The following ZGPAT variants were observed in gnomAD, a reference collection of about 807,000 sequenced individuals.
ZGPAT encodes zinc finger CCCH-type and G-patch domain containing.
ZGPAT carries 39 observed loss-of-function variants against 47.9 expected under a neutral mutation model. That is an observed-to-expected ratio of 0.81 (90% CI 0.63 to 1.06). The LOEUF (loss-of-function observed/expected upper bound fraction) is 1.06, where lower values mean the gene tolerates loss of function less well. Ranked by LOEUF, ZGPAT falls within the 50% of genes least tolerant of loss-of-function variation. The pLI is 0.00. For missense variants in ZGPAT, 717 were observed against 681.4 expected (o/e 1.05, Z -0.58); for synonymous variants, 348 against 292.9 (o/e 1.19, Z -1.92).
chr20:63,729,101 G>A (rs1203017070), intron 2 of ZGPAT, among the ~76,000 whole-genome samples: 1 of 144,940 alleles, frequency 6.9e-6, no homozygotes, highest in Admixed American at 7.1e-5. Flanking sequence ...GTGCGATCTT[G>A]GCTCACTGCA....
intron 2 of ZGPAT, among the ~76,000 whole-genome samples, chr20:63,725,273 C>T (rs918524206): frequency 2.0e-5 from 3 of 152,220 alleles, no homozygotes; most frequent in Admixed American, 6.5e-5. Flanking sequence ...CGTGAGCCAC[C>T]GCGCCCGGCT....
At chr20:63,710,059 A>G (rs530905761) in intron 2 of ZGPAT, among the ~76,000 whole-genome samples, 16 of 151,530 alleles carry the variant, frequency 1.1e-4, no homozygotes, top group South Asian at 2.1e-4. Flanking sequence ...ACGGGGTTTC[A>G]CCATGTTAGC....
At chr20:63,733,382 A>G (rs1055989661) in intron 3 of ZGPAT, 30 bp downstream of exon 3, 3 of 1,604,940 alleles carry the variant, frequency 1.9e-6, no homozygotes, top group African/African-American at 1.3e-5. Flanking sequence ...CCTCCCGGGA[A>G]CACCCTCCCA....
intron 2 of ZGPAT, among the ~76,000 whole-genome samples, chr20:63,716,719 G>T (rs759459728): frequency 6.6e-5 from 10 of 152,048 alleles, no homozygotes; most frequent in Non-Finnish European, 1.2e-4. Flanking sequence ...GTCTGTTTCT[G>T]TCTCCCAGGC....
intron 2 of ZGPAT, among the ~76,000 whole-genome samples, chr20:63,726,497 A>AT (rs890554718): frequency 3.0e-5 from 4 of 133,094 alleles, no homozygotes; most frequent in East Asian, 2.2e-4. Context: ...CCGGCCTTGA[A>AT]TTTTTTTTTA....
intron 2 of ZGPAT, among the ~76,000 whole-genome samples, chr20:63,715,264 CAG>C (rs1269893763): frequency 7.3e-6 from 1 of 137,120 alleles, no homozygotes; most frequent in Non-Finnish European, 1.5e-5. Flanking sequence ...TTTTTTGAGA[CAG>C]AGTCTCACTC....
At chr20:63,726,497 A>C (rs1450358827) in intron 2 of ZGPAT, among the ~76,000 whole-genome samples, 1 of 133,096 alleles carries the variant, frequency 7.5e-6, no homozygotes, top group Non-Finnish European at 1.6e-5. Flanking sequence ...CCGGCCTTGA[A>C]TTTTTTTTTA....
chr20:63,725,841 T>A (rs905787235), intron 2 of ZGPAT, among the ~76,000 whole-genome samples: 3 of 151,620 alleles, frequency 2.0e-5, no homozygotes, highest in African/African-American at 7.3e-5. Flanking sequence ...ATTTATTTTT[T>A]AATTTTTTGA....
At position 63,709,122 on chromosome 20, in the gene ZGPAT, C is replaced by A; in HGVS notation, c.542C>A (p.Pro181Gln). Residue 181 changes from proline (P) to glutamine (Q), a missense_variant, in exon 2 of 7, where the codon CCG becomes CAG. Physicochemically the swap from Pro to Gln is moderately conservative, Grantham distance 76. Transcript: ENST00000355969. Reference sequence around the variant, plus strand: ...ACTCACAAGTCTCTGAAGCCGTGCCCGTTCTTCCTGGAGGGAAAGTGCCGC... The same window carrying A: ...ACTCACAAGTCTCTGAAGCCGTGCCAGTTCTTCCTGGAGGGAAAGTGCCGC... ...YPTHKSLKPC[P>Q]FFLEGKCRFK... The A allele has an allele frequency of 6.2e-7, 1 of 1,612,810 alleles. No homozygotes were observed. The highest frequency in any genetic ancestry group is 1.1e-5 in the South Asian group (1 of 91,082).
At chr20:63,732,332 CGT>C (rs535604357) in intron 2 of ZGPAT, among the ~76,000 whole-genome samples, 146 of 94,816 alleles carry the variant, frequency 1.5e-3, no homozygotes, top group African/African-American at 5.8e-3. Flanking sequence ...TGTGTGTGCA[CGT>C]GTGTGGGTGA....
chr20:63,732,956 ATG>A (rs1348813325), intron 2 of ZGPAT, among the ~76,000 whole-genome samples: 79 of 150,982 alleles, frequency 5.2e-4, no homozygotes, highest in African/African-American at 1.7e-3. Context: ...ATATATGTGT[ATG>A]TGTGAGTGTA....
At chr20:63,732,333 G>A (rs1474630245) in intron 2 of ZGPAT, among the ~76,000 whole-genome samples, 3 of 51,790 alleles carry the variant, frequency 5.8e-5, no homozygotes, top group Non-Finnish European at 1.2e-4. Flanking sequence ...GTGTGTGCAC[G>A]TGTGTGGGTG....
chr20:63,721,519 G>A (rs934021841), intron 2 of ZGPAT, among the ~76,000 whole-genome samples: 1 of 152,116 alleles, frequency 6.6e-6, no homozygotes, highest in African/African-American at 2.4e-5. Context: ...AAAGTTGAGG[G>A]CCTCCTCAGG....
At chr20:63,731,091 A>G (rs1490351971) in intron 2 of ZGPAT, among the ~76,000 whole-genome samples, 1 of 152,030 alleles carries the variant, frequency 6.6e-6, no homozygotes, top group Non-Finnish European at 1.5e-5. Context: ...GGACTCAGTC[A>G]TGCACATACA....
At chr20:63,735,124 G>T (rs549185437) in intron 5 of ZGPAT, 35 bp from the exon 6 acceptor site, 1 of 1,482,478 alleles carries the variant, frequency 6.7e-7, no homozygotes, top group East Asian at 2.5e-5. Flanking sequence ...CCGGGGTCCC[G>T]CAGCCACAGC....
At chr20:63,714,374 C>T (rs910448082) in intron 2 of ZGPAT, among the ~76,000 whole-genome samples, 10 of 149,800 alleles carry the variant, frequency 6.7e-5, no homozygotes, top group African/African-American at 1.7e-4. Flanking sequence ...TGCAGTGAGC[C>T]AAGATCATGC....
upstream of ZGPAT, chr20:63,707,469 T>A: frequency 5.6e-6 from 1 of 177,422 alleles, no homozygotes; most frequent in Non-Finnish European, 1.2e-5. Flanking sequence ...CAGCCCCGCC[T>A]GGGCCACGGC....
intron 2 of ZGPAT, among the ~76,000 whole-genome samples, chr20:63,726,017 A>G (rs1480946857): frequency 1.3e-5 from 2 of 149,866 alleles, no homozygotes; most frequent in Admixed American, 6.7e-5. Flanking sequence ...TTTTGTATTT[A>G]TAGTAGAGAC....
chr20:63,708,410 C>T (rs944362202), intron 1 of ZGPAT, 143 bp from the exon 2 acceptor site: 7 of 568,986 alleles, frequency 1.2e-5, no homozygotes, highest in African/African-American at 3.9e-5. Context: ...CGGGGGTACC[C>T]GGGCTGCGAC....
Sources: gnomAD v4.1 joint callset for allele counts (sites outside exome capture counted in the v4.1 genomes callset) on GRCh38, gnomAD v4.1.1 for gene constraint, MANE v1.5 for transcripts, NCBI Gene and HGNC (gene_info 2026-07-23, HGNC 2026-07-21) for gene names.